PRKG1: variants seen among roughly 807,000 people sequenced by gnomAD.
PRKG1 encodes the protein cGMP-dependent protein kinase 1.
Under a neutral mutation model 88.1 loss-of-function variants are expected in PRKG1, and 35 were observed. That is an observed-to-expected ratio of 0.40 (90% confidence interval 0.30 to 0.53). The LOEUF (loss-of-function observed/expected upper bound fraction) is 0.53. Ranked by LOEUF, PRKG1 falls within the 20% of genes least tolerant of loss-of-function variation. The pLI is 0.59. For missense variants in PRKG1, 540 were observed against 839.8 expected, an observed-to-expected ratio of 0.64 and a Z score of 4.41; for synonymous variants, 303 against 292.5, an observed-to-expected ratio of 1.04 and a Z score of -0.37.
At position 51,210,609 on chromosome 10, in the gene PRKG1, C is replaced by T. The variant is rs560438530; in HGVS notation, c.478+57279C>T. Among the ~76,000 whole-genome samples, 171 of 152,112 alleles carry T rather than the reference C, an allele frequency of 1.1e-3. 1 individual carries two copies. Among genetic ancestry groups the T allele is most frequent in the African/African-American group, 3.7e-3 (155 of 41,478 alleles). ...AGAAAAGACAGAAGAATCAAATAGA[C>T]GCAATAAAAAATGACAAAGGGGTAT... On this transcript the variant is annotated intron_variant, in intron 2 of 17. Coordinates refer to ENST00000373980, the MANE Select transcript of PRKG1 (RefSeq NM_006258.4).
intron 4 of PRKG1, among the ~76,000 whole-genome samples, chr10:51,902,247 C>T (rs73333494): frequency 6.6e-6 from 1 of 151,942 alleles, no homozygotes; most frequent in South Asian, 2.1e-4. Flanking sequence ...TTCCCAAACA[C>T]CTGGGATTAC....
chr10:51,482,298 T>C (rs956982530), intron 3 of PRKG1, among the ~76,000 whole-genome samples: 1 of 152,128 alleles, frequency 6.6e-6, no homozygotes, highest in African/African-American at 2.4e-5. Context: ...TCAAACACTA[T>C]GAGATTTAAT....
chr10:51,833,898 TA>T (rs1309391765), intron 4 of PRKG1, among the ~76,000 whole-genome samples: 2 of 152,180 alleles, frequency 1.3e-5, no homozygotes, highest in African/African-American at 4.8e-5. Flanking sequence ...CATTCTACTC[TA>T]TGCTTTTATG....
chr10:51,943,016 G>A (rs1413120795), intron 5 of PRKG1, among the ~76,000 whole-genome samples: 3 of 151,920 alleles, frequency 2.0e-5, no homozygotes, highest in South Asian at 2.1e-4. Flanking sequence ...TGATGGGGAT[G>A]GCATTGAATC....
At chr10:51,756,955 G>C (rs992375361) in intron 3 of PRKG1, among the ~76,000 whole-genome samples, 1 of 152,086 alleles carries the variant, frequency 6.6e-6, no homozygotes. Flanking sequence ...GTTGGTCCTT[G>C]AAGGACAGAA....
In PRKG1 at chr10:51,585,303, G is replaced by T. The variant is rs150040045; in HGVS notation, c.592+117467G>T. Among the ~76,000 whole-genome samples, 565 of 152,080 alleles carry T rather than the reference G, an allele frequency of 3.7e-3. 3 individuals are homozygous for T. The highest frequency in any genetic ancestry group is 0.013 in the African/African-American group (551 of 41,502). On this transcript the variant is annotated intron_variant, in intron 3 of 17. Transcript: ENST00000373980. ...ATGCTCCTTTGCATAATTTATAAAA[G>T]AATAATATTAATATTCAAAGCTGAT... is the stretch of plus-strand genomic sequence containing the variant.
intron 2 of PRKG1, among the ~76,000 whole-genome samples, chr10:51,205,596 T>C (rs111288018): frequency 0.02 from 3,070 of 152,020 alleles, 48 homozygotes; most frequent in Middle Eastern, 0.051. Context: ...AGTGCAGTGG[T>C]ACAGTCTCGG....
intron 7 of PRKG1, among the ~76,000 whole-genome samples, chr10:52,099,157 A>G (rs1847240421): frequency 6.6e-6 from 1 of 151,916 alleles, no homozygotes; most frequent in Non-Finnish European, 1.5e-5. Context: ...GTTACACAGA[A>G]TACTTTCAAA....
chr10:51,493,683 G>T (rs1217560902), intron 3 of PRKG1, among the ~76,000 whole-genome samples: 1 of 152,180 alleles, frequency 6.6e-6, no homozygotes, highest in East Asian at 1.9e-4. Context: ...TTGTCAGCAT[G>T]TCAAGTTTCA....
chr10:52,030,148 C>T (rs562332261), intron 5 of PRKG1, among the ~76,000 whole-genome samples: 35 of 152,302 alleles, frequency 2.3e-4, no homozygotes, highest in Non-Finnish European at 4.9e-4. Context: ...TCTTAAGTCT[C>T]AAGTCCTACC....
chr10:51,669,952 C>T (rs1840516809), intron 3 of PRKG1, among the ~76,000 whole-genome samples: 1 of 152,064 alleles, frequency 6.6e-6, no homozygotes, highest in African/African-American at 2.4e-5. Flanking sequence ...CTATCAATTT[C>T]AGAGGGGGGA....
At chr10:51,249,928 G>A (rs10996325) in intron 2 of PRKG1, among the ~76,000 whole-genome samples, 12,870 of 151,822 alleles carry the variant, frequency 0.085, 638 homozygotes, top group Middle Eastern at 0.15. Flanking sequence ...CTTTAAAAGC[G>A]TAAGTAATAT....
intron 7 of PRKG1, among the ~76,000 whole-genome samples, chr10:52,111,537 T>A (rs1043390141): frequency 2.7e-4 from 41 of 152,250 alleles, no homozygotes; most frequent in African/African-American, 9.4e-4. Context: ...CATTAACAGA[T>A]AATTTAAATA....
chr10:51,700,457 T>C (rs1032556398), intron 3 of PRKG1, among the ~76,000 whole-genome samples: 1 of 152,258 alleles, frequency 6.6e-6, no homozygotes, highest in African/African-American at 2.4e-5. Flanking sequence ...TGATTGGTTC[T>C]GATTTTTATT....
At chr10:52,217,956 G>A (rs1368552633) in intron 9 of PRKG1, among the ~76,000 whole-genome samples, 1 of 152,160 alleles carries the variant, frequency 6.6e-6, no homozygotes, top group African/African-American at 2.4e-5. Context: ...GCTCACACCT[G>A]TAATCTCAGC....
At chr10:52,221,221 A>G (rs1840237025) in intron 9 of PRKG1, among the ~76,000 whole-genome samples, 1 of 152,110 alleles carries the variant, frequency 6.6e-6, no homozygotes, top group South Asian at 2.1e-4. Flanking sequence ...GCTAAGACAG[A>G]ACTGCCCAGC....
intron 3 of PRKG1, among the ~76,000 whole-genome samples, chr10:51,502,202 A>C (rs1021028006): frequency 3.9e-5 from 6 of 152,144 alleles, no homozygotes; most frequent in African/African-American, 1.4e-4. Context: ...CCATATTCCG[A>C]GGGATAACAT....
chr10:52,173,256 A>T (rs1178469348), intron 9 of PRKG1, among the ~76,000 whole-genome samples: 1 of 152,162 alleles, frequency 6.6e-6, no homozygotes. Flanking sequence ...GTATTGCTTG[A>T]AGCTCATTTT....
At chr10:52,005,964 G>A (rs566367906) in intron 5 of PRKG1, among the ~76,000 whole-genome samples, 30 of 151,890 alleles carry the variant, frequency 2.0e-4, no homozygotes, top group Middle Eastern at 6.8e-3. Context: ...CTGAAGCATG[G>A]GGAGAATAAT....
Sources: allele counts gnomAD v4.1 joint callset (sites outside exome capture counted in the v4.1 genomes callset), GRCh38; gene constraint gnomAD v4.1.1; transcripts MANE v1.5; gene names NCBI Gene and HGNC (gene_info 2026-07-23, HGNC 2026-07-21).